Variants in MEF2D observed in about 807,000 individuals in gnomAD.
The protein encoded by MEF2D is myocyte-specific enhancer factor 2D.
MEF2D carries 10 observed loss-of-function variants against 59.3 expected under a neutral mutation model. That is an observed-to-expected ratio of 0.17 (90% CI 0.10 to 0.29). The LOEUF (loss-of-function observed/expected upper bound fraction) is 0.29. Among genes scored for constraint, MEF2D ranks in the 10% least tolerant of loss-of-function variants. The probability of loss-of-function intolerance (pLI) is 1.00; values close to 1 mark genes in which losing one functional copy is unlikely to be tolerated. For synonymous variants in MEF2D, 305 were observed against 295.0 expected, an observed-to-expected ratio of 1.03 and a Z score of -0.35; for missense variants, 508 against 699.4, an observed-to-expected ratio of 0.73 and a Z score of 3.09.
chr1:156,475,420 G>A (rs1671505734), intron 8 of MEF2D, among the ~76,000 whole-genome samples, 183 bp from the exon 9 acceptor site: 1 of 152,006 alleles, frequency 6.6e-6, no homozygotes, highest in African/African-American at 2.4e-5. Flanking sequence ...CAGATCCATG[G>A]AGGGAAACAT....
chr1:156,468,045 G>A lies in MEF2D; in HGVS notation c.1502C>T (p.Pro501Leu). The change falls in exon 11 of 12, where the codon CCA becomes CTA. Residue 501 changes from proline to leucine, a missense_variant. Physicochemically the swap from Pro to Leu is moderately conservative, Grantham distance 98. Transcript: ENST00000348159. The surrounding 1 kb of genome is among the most constrained non-coding windows in gnomAD (Gnocchi z 4.3). ...AGCTGAGCCCTCAGCCTCAGGCTCT[G>A]GGGCTGGGCGCAGCAGGCCCAGTGT... ...GPTLGLLRPA[P>L]EPEAEGSAVK... 2.5e-6 allele frequency: 4 copies of A among 1,614,002 alleles called. No individual in the cohort carries two copies. The highest frequency in any genetic ancestry group is 1.7e-4 in the Middle Eastern group (1 of 6,060).
At position 156,482,613 on chromosome 1, in the gene MEF2D, G is replaced by A; in HGVS notation, c.82C>T (p.Leu28=). The change falls in exon 3 of 12, where the codon CTG becomes TTG. Residue 28 remains leucine, a synonymous_variant. Transcript: ENST00000348159. ...QVTFTKRKFG[L]MKKAYELSVL... ...CTCAGCTCATACGCCTTCTTCATCAGGCCAAACTTCCGCTTGGTGAAAGTC... is the reference window on the plus strand; with the variant it reads ...CTCAGCTCATACGCCTTCTTCATCAAGCCAAACTTCCGCTTGGTGAAAGTC... 6.2e-7 allele frequency: 1 copy of A among 1,614,232 alleles called. No individual in the cohort carries two copies. The highest frequency in any genetic ancestry group is 8.5e-7 in the Non-Finnish European group (1 of 1,180,038).
chr1:156,498,018 C>T (rs1344681068), intron 1 of MEF2D, among the ~76,000 whole-genome samples: 1 of 147,982 alleles, frequency 6.8e-6, no homozygotes, highest in Non-Finnish European at 1.5e-5. Context: ...CTCCAAGCTT[C>T]CTTACTACTG....
chr1:156,475,714 TGAGTCA>T (rs1671528625), intron 8 of MEF2D, among the ~76,000 whole-genome samples: 2 of 152,226 alleles, frequency 1.3e-5, no homozygotes, highest in Non-Finnish European at 2.9e-5. Flanking sequence ...CATCTGCCGC[TGAGTCA>T]CTTGTTTATT....
At chr1:156,485,286 C>T (rs1236251600) in intron 1 of MEF2D, among the ~76,000 whole-genome samples, 2 of 152,156 alleles carry the variant, frequency 1.3e-5, no homozygotes, top group Non-Finnish European at 2.9e-5. Context: ...CTACATGGCC[C>T]CTACGGTACC....
Position 156,468,822 on chromosome 1 carries a change from T to C in MEF2D, c.1205A>G (p.Gln402Arg). 6.2e-7 allele frequency: 1 copy of C among 1,614,128 alleles called. No homozygotes were observed. Among genetic ancestry groups the C allele is most frequent in the Non-Finnish European group, 8.5e-7 (1 of 1,179,986 alleles). The change falls in exon 10 of 12, where the codon CAG (glutamine) becomes CGG (arginine). Residue 402 changes from glutamine (Q) to arginine (R), a missense_variant. By Grantham distance (43) the Gln-to-Arg change is conservative. Transcript: ENST00000348159. This position sits in a 1 kb window ranked among gnomAD's most constrained non-coding sequence, Gnocchi z 4.3. ...TACAGGGACCAGGTGGGACTGTTGC[T>C]GAGGTGGCTGTTGCGGCTGCTGAGG... ...QQPQQPQQPP[Q>R]QQSHLVPVSL... is the part of the protein sequence containing the mutation.
intron 9 of MEF2D, among the ~76,000 whole-genome samples, chr1:156,470,310 T>C (rs938494089): frequency 6.6e-5 from 10 of 151,388 alleles, no homozygotes; most frequent in Non-Finnish European, 1.0e-4. Flanking sequence ...TCCCAGCTAC[T>C]AGGGAGGTTG....
At chr1:156,478,242 G>A (rs916948954) in intron 6 of MEF2D, among the ~76,000 whole-genome samples, 1 of 152,268 alleles carries the variant, frequency 6.6e-6, no homozygotes. Flanking sequence ...TATCACCAGG[G>A]AGGTATTATA....
chr1:156,480,625 C>T lies in MEF2D; in HGVS notation c.396+209G>A, dbSNP rs1023020653. 1.9e-6 allele frequency: 3 copies of T among 1,540,718 alleles called. No homozygotes were observed. The African/African-American group carries it at 4.1e-5, about 21-fold the overall frequency. ...CACCATGCACCACAGGGAGGCTCTG[C>T]TCCATGCGACTACTCACGGCCAGTC... On this transcript the variant is annotated intron_variant, in intron 4 of 11. Transcript: ENST00000348159.
At chr1:156,493,442 C>T (rs1300693525) in intron 1 of MEF2D, among the ~76,000 whole-genome samples, 3 of 152,114 alleles carry the variant, frequency 2.0e-5, no homozygotes, top group Non-Finnish European at 4.4e-5. Flanking sequence ...GGAGGGAGGG[C>T]GGGCATTGTG....
chr1:156,492,054 G>A (rs561669767), intron 1 of MEF2D, among the ~76,000 whole-genome samples: 6 of 152,364 alleles, frequency 3.9e-5, no homozygotes, highest in African/African-American at 1.4e-4. Context: ...GTGAAATCAC[G>A]AGGAATAAGC....
intron 1 of MEF2D, among the ~76,000 whole-genome samples, chr1:156,493,822 G>A (rs188717969): frequency 9.3e-4 from 141 of 152,170 alleles, no homozygotes; most frequent in African/African-American, 3.3e-3. Flanking sequence ...TTTACAACCA[G>A]GGCCCCACCC....
At chr1:156,479,025 TCTTCC>T (rs1050414035) in intron 6 of MEF2D, among the ~76,000 whole-genome samples, 1 of 152,158 alleles carries the variant, frequency 6.6e-6, no homozygotes, top group Admixed American at 6.5e-5. Context: ...AAAACTTGGG[TCTTCC>T]CTTCCAACTA....
intron 4 of MEF2D, 169 bp downstream of exon 4, chr1:156,480,665 A>G: frequency 1.3e-6 from 2 of 1,559,738 alleles, no homozygotes; most frequent in Non-Finnish European, 1.7e-6. Flanking sequence ...ACTCTGCATC[A>G]TTTTATCAAA....
In MEF2D at chr1:156,467,346, A is replaced by G. The variant is rs1359919517; in HGVS notation, c.*299T>C. On this transcript the variant is annotated 3_prime_UTR_variant, in exon 12 of 12. Transcript: ENST00000348159. ...CCCCCTTCCTGCAGCATATGTGTAC[A>G]ACGTGCAAAGTGTCCCCCCTTCCCG... 6.4e-6 allele frequency: 1 copy of G among 157,290 alleles called. No individual in the cohort carries two copies. 9.7% of individuals were successfully genotyped at this position (157,290 alleles called of 1,614,324 possible). A position where few individuals can be genotyped will look rare whatever the true frequency, so the allele number is the denominator to read the frequency against.
intron 11 of MEF2D, 39 bp from the exon 12 acceptor site, chr1:156,467,695 T>G (rs1571210798): frequency 2.2e-6 from 3 of 1,341,496 alleles, no homozygotes; most frequent in African/African-American, 1.5e-5. Context: ...TGTGAGGGGG[T>G]GGCCCAGGCT....
At chr1:156,487,180 C>G (rs372101992) in intron 1 of MEF2D, among the ~76,000 whole-genome samples, 6 of 152,230 alleles carry the variant, frequency 3.9e-5, no homozygotes, top group East Asian at 1.9e-4. Flanking sequence ...CCGCCCCCCC[C>G]ACCCCCGCCT....
rs535660396 is a variant in MEF2D, at chr1:156,476,357, C to T, written c.876+137G>A. The T allele has an allele frequency of 3.1e-5, 33 of 1,068,508 alleles. No individual in the cohort carries two copies. In the African/African-American group the frequency reaches 4.7e-4, roughly 15 times the overall value. 66.2% of individuals were successfully genotyped at this position (1,068,508 alleles called of 1,614,324 possible). A position where few individuals can be genotyped will look rare whatever the true frequency, so the allele number is the denominator to read the frequency against. Reference sequence around the variant, plus strand: ...CCCACTTGGCACCTAAGCACAGCTCCTGGCAACTAAGCAAAGAAACAGCAA... The same window carrying T: ...CCCACTTGGCACCTAAGCACAGCTCTTGGCAACTAAGCAAAGAAACAGCAA... On this transcript the variant is annotated intron_variant, in intron 8 of 11. Coordinates refer to ENST00000348159, the MANE Select transcript of MEF2D (RefSeq NM_005920.4).
intron 11 of MEF2D, 143 bp downstream of exon 11, chr1:156,467,847 GTGT>G (rs1220825049): frequency 8.8e-7 from 1 of 1,130,170 alleles, no homozygotes; most frequent in Non-Finnish European, 1.3e-6. Flanking sequence ...GGGTGAAGGG[GTGT>G]TGGTGCTGCC....
Sources: gnomAD v4.1 joint callset for allele counts (sites outside exome capture counted in the v4.1 genomes callset) on GRCh38, gnomAD v4.1.1 for gene constraint, Gnocchi (gnomAD v3.1) non-coding constraint, MANE v1.5 for transcripts, NCBI Gene and HGNC (gene_info 2026-07-23, HGNC 2026-07-21) for gene names.